Variants in CDH3 observed in about 807,000 individuals in gnomAD.
CDH3 encodes cadherin 3.
Under a neutral mutation model 82.0 loss-of-function variants are expected in CDH3, and 54 were observed. The observed-to-expected ratio is 0.66, with a 90% CI of 0.53 to 0.83. The LOEUF (loss-of-function observed/expected upper bound fraction) is 0.83. Among genes scored for constraint, CDH3 ranks in the 40% least tolerant of loss-of-function variants. The pLI is 0.00. For synonymous variants in CDH3, 446 were observed against 437.9 expected (o/e 1.02, Z -0.23); for missense variants, 1,054 against 1,084.6 (o/e 0.97, Z 0.40).
chr16:68,652,860 C>T (rs569196184), intron 2 of CDH3, among the ~76,000 whole-genome samples: 6 of 152,290 alleles, frequency 3.9e-5, no homozygotes, highest in East Asian at 3.9e-4. Context: ...GAGATTCTTG[C>T]GTAATTCTGG....
intron 2 of CDH3, among the ~76,000 whole-genome samples, chr16:68,653,691 C>CTTTT (rs1249416453): frequency 2.2e-5 from 3 of 136,960 alleles, no homozygotes; most frequent in East Asian, 2.2e-4. Context: ...TCTTTTCTTT[C>CTTTT]TTTTTTTTTT....
intron 6 of CDH3, 123 bp downstream of exon 6, chr16:68,679,029 A>G (rs748464492): frequency 2.0e-6 from 2 of 999,778 alleles, no homozygotes; most frequent in Non-Finnish European, 3.0e-6. Flanking sequence ...TTAAAAATCC[A>G]GATTTCCCCC....
intron 9 of CDH3, 26 bp downstream of exon 9, chr16:68,682,513 T>G: frequency 6.2e-7 from 1 of 1,608,464 alleles, no homozygotes; most frequent in Non-Finnish European, 8.5e-7. Flanking sequence ...CCTCAGACAA[T>G]GGCTATACCT....
intron 2 of CDH3, among the ~76,000 whole-genome samples, chr16:68,673,067 T>C (rs1960929440): frequency 6.6e-6 from 1 of 152,210 alleles, no homozygotes; most frequent in Admixed American, 6.6e-5. Context: ...CCCTCATTGT[T>C]TGGGCCGATT....
At chr16:68,678,375 A>G (rs1597806559) in intron 4 of CDH3, 98 bp downstream of exon 4, 1 of 1,588,294 alleles carries the variant, frequency 6.3e-7, no homozygotes, top group African/African-American at 1.3e-5. Flanking sequence ...GGGGGCTGAG[A>G]CAGAAAAACC....
intron 8 of CDH3, among the ~76,000 whole-genome samples, chr16:68,681,863 A>C (rs1045392578): frequency 6.6e-6 from 1 of 151,952 alleles, no homozygotes; most frequent in African/African-American, 2.4e-5. Context: ...TAAATAAATA[A>C]ATTTTTTGTT....
Position 68,691,975 on chromosome 16 carries a change from A to G in CDH3, c.2002+49A>G, listed in dbSNP as rs762500829. ...TCCCTGAGGATGGGGGAGTTGAAAG[A>G]CTGGATTCTACCTTGAGCTTTAACT... is the stretch of plus-strand genomic sequence containing the variant. On this transcript the variant is annotated intron_variant, in intron 13 of 15. Transcript: ENST00000264012. 4.8e-6 allele frequency: 7 copies of G among 1,460,238 alleles called. No individual in the cohort carries two copies. In the Admixed American group the frequency reaches 5.2e-5, roughly 11 times the overall value. 90.5% of individuals were successfully genotyped at this position (1,460,238 alleles called of 1,614,324 possible).
intron 7 of CDH3, 138 bp from the exon 8 acceptor site, chr16:68,680,826 GGGGT>G: frequency 1.2e-6 from 1 of 864,632 alleles, no homozygotes; most frequent in Middle Eastern, 3.3e-4. Flanking sequence ...CAGTGGGTGA[GGGGT>G]GGTCAAGGAG....
At position 68,654,380 on chromosome 16, in the gene CDH3, A is replaced by ATTTTTTTTTTTTTTTTTTTTTTT. The variant is rs1176713669; in HGVS notation, c.160+8646_160+8668dup. On this transcript the variant is annotated intron_variant, in intron 2 of 15. Transcript: ENST00000264012. ...GGCCTTTTTCTTAATTTTTAAATTAATTTTTTTTTTTTTTTTTTTTTTTTT... is the reference window on the plus strand; with the variant it reads ...GGCCTTTTTCTTAATTTTTAAATTAATTTTTTTTTTTTTTTTTTTTTTTTTTTTTTTTTTTTTTTTTTTTTTTT... Among the ~76,000 whole-genome samples the ATTTTTTTTTTTTTTTTTTTTTTT allele has an allele frequency of 6.2e-5, 3 of 48,494 alleles. 1 individual carries two copies. The highest frequency in any genetic ancestry group is 2.9e-4 in the African/African-American group (3 of 10,292). 31.8% of individuals were successfully genotyped at this position (48,494 alleles called of 152,430 possible). A position where few individuals can be genotyped will look rare whatever the true frequency, so the allele number is the denominator to read the frequency against.
At chr16:68,677,820 G>C (rs1270206952) in intron 3 of CDH3, among the ~76,000 whole-genome samples, 1 of 152,166 alleles carries the variant, frequency 6.6e-6, no homozygotes, top group Non-Finnish European at 1.5e-5. Context: ...GAGCTGCATA[G>C]TATTCCACTA....
chr16:68,645,956 C>T (rs1960046866), intron 2 of CDH3: 1 of 585,272 alleles, frequency 1.7e-6, no homozygotes, highest in African/African-American at 1.9e-5. Context: ...ACATCCAGCC[C>T]CTTGTCCGGT....
At chr16:68,693,249 G>A (rs1207463817) in intron 13 of CDH3, among the ~76,000 whole-genome samples, 2 of 152,194 alleles carry the variant, frequency 1.3e-5, no homozygotes, top group East Asian at 1.9e-4. Flanking sequence ...GAGGGGTGAT[G>A]TGATTTGACT....
intron 1 of CDH3, among the ~76,000 whole-genome samples, chr16:68,716,300 T>C (rs1192191881): frequency 1.3e-5 from 2 of 150,700 alleles, no homozygotes; most frequent in African/African-American, 4.9e-5. Context: ...GGCATTCAAA[T>C]CGTGGAAAAT....
At chr16:68,685,479 C>T (rs903907658) in intron 11 of CDH3, 129 bp downstream of exon 11, 32 of 952,470 alleles carry the variant, frequency 3.4e-5, no homozygotes, top group African/African-American at 6.4e-5. Context: ...CCAATCCAGA[C>T]GGTCAAAGGG....
chr16:68,714,632 C>T (rs548569408), intron 1 of CDH3, among the ~76,000 whole-genome samples: 1 of 152,222 alleles, frequency 6.6e-6, no homozygotes, highest in East Asian at 1.9e-4. Flanking sequence ...TGTGATCTCG[C>T]CCACCGAAGG....
At chr16:68,713,660 T>C (rs1000251282) in intron 1 of CDH3, among the ~76,000 whole-genome samples, 1 of 152,004 alleles carries the variant, frequency 6.6e-6, no homozygotes, top group Non-Finnish European at 1.5e-5. Flanking sequence ...TCCGTTCTGT[T>C]CCCATGACCT....
At chr16:68,718,945 G>GA (rs1361507150) in intron 1 of CDH3, among the ~76,000 whole-genome samples, 3 of 151,694 alleles carry the variant, frequency 2.0e-5, no homozygotes, top group South Asian at 2.1e-4. Context: ...AGACTATTAA[G>GA]AAAAAAAACG....
chr16:68,726,187 G>A (rs141528251), intron 2 of CDH3, among the ~76,000 whole-genome samples: 47 of 152,298 alleles, frequency 3.1e-4, no homozygotes, highest in East Asian at 1.9e-4. Context: ...GAAACTGGTC[G>A]TTCATTTCTC....
At position 68,707,468 on chromosome 16, in the gene CDH3, G is replaced by A. The variant is rs117090453; in HGVS notation, c.99+11545G>A. Among the ~76,000 whole-genome samples, 736 of 152,238 alleles carry A rather than the reference G, an allele frequency of 4.8e-3. 37 individuals carry two copies. In the East Asian group the frequency reaches 0.11, roughly 22 times the overall value. On this transcript the variant is annotated intron_variant, in intron 1 of 2. Coordinates refer to the CDH3 transcript ENST00000569080. This position sits in a 1 kb window ranked among gnomAD's most constrained non-coding sequence, Gnocchi z 4.5. ...CCCTGAGGATGCGGCAGGGCCTGTC[G>A]GGGCCTGTGGGCAGCTGCAGAGCTG...
Sources: allele counts gnomAD v4.1 joint callset (sites outside exome capture counted in the v4.1 genomes callset), GRCh38; gene constraint gnomAD v4.1.1; non-coding constraint Gnocchi (gnomAD v3.1); transcripts MANE v1.5; gene names NCBI Gene and HGNC (gene_info 2026-07-23, HGNC 2026-07-21).